Variants in TSPAN9 observed in about 807,000 individuals in gnomAD.
The protein encoded by TSPAN9 is tetraspanin-9.
Under a neutral mutation model 31.0 loss-of-function variants are expected in TSPAN9, and 16 were observed. The ratio of observed to expected loss-of-function variants is 0.52; its 90% CI spans 0.35 to 0.78. The LOEUF (loss-of-function observed/expected upper bound fraction) is 0.78, where lower values mean the gene tolerates loss of function less well. TSPAN9 is among the 30% of genes least tolerant of loss of function. The pLI is 0.01. For missense variants in TSPAN9, 272 were observed against 312.5 expected, an observed-to-expected ratio of 0.87 and a Z score of 0.98; for synonymous variants, 145 against 121.6, an observed-to-expected ratio of 1.19 and a Z score of -1.27.
chr12:3,247,563 T>A (rs539967234), intron 3 of TSPAN9, among the ~76,000 whole-genome samples: 1 of 152,286 alleles, frequency 6.6e-6, no homozygotes, highest in Non-Finnish European at 1.5e-5. Flanking sequence ...AGTTTTCCAG[T>A]CTACAGAGTA....
chr12:3,181,240 C>T (rs1031532383), intron 2 of TSPAN9, among the ~76,000 whole-genome samples: 4 of 152,172 alleles, frequency 2.6e-5, no homozygotes, highest in Non-Finnish European at 5.9e-5. Context: ...GAAATATTAT[C>T]TACTGTGTAT....
chr12:3,091,356 G>A (rs186099043), intron 2 of TSPAN9, among the ~76,000 whole-genome samples: 2 of 152,320 alleles, frequency 1.3e-5, no homozygotes, highest in African/African-American at 2.4e-5. Flanking sequence ...CAAGGTGTTC[G>A]TTTTTATATT....
At chr12:3,124,992 G>A (rs572858699) in intron 2 of TSPAN9, 2 of 152,252 alleles carry the variant, frequency 1.3e-5, no homozygotes, top group Admixed American at 1.3e-4. Context: ...AAGCCTGGGA[G>A]GTGGAGGCTG....
intron 3 of TSPAN9, among the ~76,000 whole-genome samples, chr12:3,267,379 C>G (rs1371453131): frequency 6.6e-6 from 1 of 152,236 alleles, no homozygotes; most frequent in African/African-American, 2.4e-5. Flanking sequence ...TCTTCTCTCT[C>G]TGGTTTATCA....
chr12:3,263,516 AGCAACGCACCG>A (rs1862487322), intron 3 of TSPAN9, among the ~76,000 whole-genome samples: 3 of 152,188 alleles, frequency 2.0e-5, no homozygotes, highest in African/African-American at 7.2e-5. Flanking sequence ...GAGGTGGTGT[AGCAACGCACCG>A]GCCTGGGGAG....
At chr12:3,208,240 CA>C (rs2153973726) in intron 3 of TSPAN9, among the ~76,000 whole-genome samples, 1 of 152,286 alleles carries the variant, frequency 6.6e-6, no homozygotes, top group South Asian at 2.1e-4. Flanking sequence ...GGAGGATCCC[CA>C]AGTGTCCCTC....
chr12:3,242,509 C>T (rs1415767039), intron 3 of TSPAN9, among the ~76,000 whole-genome samples: 3 of 152,266 alleles, frequency 2.0e-5, no homozygotes, highest in Admixed American at 1.3e-4. Context: ...GAACAGAGCC[C>T]AGAGTAGAAA....
At chr12:3,199,904 G>A (rs1228890748) in intron 2 of TSPAN9, 4 of 152,206 alleles carry the variant, frequency 2.6e-5, no homozygotes, top group Non-Finnish European at 5.9e-5. Flanking sequence ...GTCTATCCGG[G>A]AGACCGCGTG....
At position 3,170,770 on chromosome 12, in the gene TSPAN9, G is replaced by A. The variant is rs900960053; in HGVS notation, c.-17-30407G>A. 1.2e-4 allele frequency among the ~76,000 whole-genome samples: 18 copies of A among 152,278 alleles called. No homozygotes were observed. Among genetic ancestry groups the A allele is most frequent in the African/African-American group, 4.3e-4 (18 of 41,552 alleles). ...GAGCGGAAGGACCTGCACAGCTGTGGCACCTGTGGGGCTGCTGGCTGAGGC... is the reference window on the plus strand; with the variant it reads ...GAGCGGAAGGACCTGCACAGCTGTGACACCTGTGGGGCTGCTGGCTGAGGC... On this transcript the variant is annotated intron_variant, in intron 2 of 8. Transcript: ENST00000011898. The surrounding 1 kb of genome is among the most constrained non-coding windows in gnomAD (Gnocchi z 4.4).
chr12:3,266,923 G>C (rs940829045), intron 3 of TSPAN9, among the ~76,000 whole-genome samples: 2 of 152,210 alleles, frequency 1.3e-5, no homozygotes, highest in Admixed American at 6.5e-5. Context: ...AGGTGGACCT[G>C]GTTGTCAGGC....
chr12:3,265,608 C>T (rs1473703815), intron 3 of TSPAN9, among the ~76,000 whole-genome samples: 2 of 152,168 alleles, frequency 1.3e-5, no homozygotes, highest in South Asian at 2.1e-4. Flanking sequence ...CTGGACTGAG[C>T]GTCTGTCCGC....
intron 3 of TSPAN9, among the ~76,000 whole-genome samples, chr12:3,263,756 G>T (rs1030699178): frequency 6.6e-6 from 1 of 152,224 alleles, no homozygotes; most frequent in Non-Finnish European, 1.5e-5. Context: ...AACGTTCTGG[G>T]GCCGATGACG....
chr12:3,117,071 T>G (rs1390407077), intron 2 of TSPAN9, among the ~76,000 whole-genome samples: 1 of 152,146 alleles, frequency 6.6e-6, no homozygotes, highest in African/African-American at 2.4e-5. Context: ...GGAAAGGAAG[T>G]AGTCGAGCAG....
At chr12:3,144,542 G>C (rs1449465159) in intron 2 of TSPAN9, among the ~76,000 whole-genome samples, 1 of 152,216 alleles carries the variant, frequency 6.6e-6, no homozygotes, top group East Asian at 1.9e-4. Context: ...TCTTCCCCTA[G>C]AGGCTGCAGA....
At chr12:3,197,680 AC>A (rs565075541) in intron 2 of TSPAN9, among the ~76,000 whole-genome samples, 3 of 149,824 alleles carry the variant, frequency 2.0e-5, no homozygotes, top group African/African-American at 4.9e-5. Context: ...AGCACAGGTC[AC>A]CACCAGCACA....
chr12:3,279,094 T>C (rs765527670), intron 5 of TSPAN9, 28 bp downstream of exon 5: 10 of 1,605,568 alleles, frequency 6.2e-6, no homozygotes, highest in Non-Finnish European at 8.5e-6. Context: ...GGAGGGGGCA[T>C]ATGGAATGTC....
At chr12:3,228,173 A>C (rs1015142909) in intron 3 of TSPAN9, among the ~76,000 whole-genome samples, 1 of 152,024 alleles carries the variant, frequency 6.6e-6, no homozygotes, top group Non-Finnish European at 1.5e-5. Context: ...ACATCACAAG[A>C]CCTCAACTCT....
At chr12:3,171,313 T>C (rs1236107254) in intron 2 of TSPAN9, among the ~76,000 whole-genome samples, 1 of 152,196 alleles carries the variant, frequency 6.6e-6, no homozygotes, top group African/African-American at 2.4e-5. Flanking sequence ...CCTGGTTTTG[T>C]GCACTGCCGT....
chr12:3,180,254 C>T (rs2098357973), intron 2 of TSPAN9, among the ~76,000 whole-genome samples: 1 of 152,172 alleles, frequency 6.6e-6, no homozygotes, highest in Admixed American at 6.5e-5. Flanking sequence ...CAGTGGCTCA[C>T]ACTTGTAATC....
Sources: allele counts gnomAD v4.1 joint callset (sites outside exome capture counted in the v4.1 genomes callset), GRCh38; gene constraint gnomAD v4.1.1; non-coding constraint Gnocchi (gnomAD v3.1); transcripts MANE v1.5; gene names NCBI Gene and HGNC (gene_info 2026-07-23, HGNC 2026-07-21).